The following ANKRD42 variants were observed in gnomAD, a reference collection of about 807,000 sequenced individuals.
The protein encoded by ANKRD42 is ankyrin repeat domain 42.
A neutral mutation model predicts 51.5 loss-of-function variants in ANKRD42; 43 were observed. The observed-to-expected ratio is 0.83, with a 90% confidence interval of 0.65 to 1.08. ANKRD42 has a LOEUF of 1.08. Ranked by LOEUF, ANKRD42 falls within the 50% of genes least tolerant of loss-of-function variation. The probability of loss-of-function intolerance (pLI) is 0.00; values close to 1 mark genes in which losing one functional copy is unlikely to be tolerated. For missense variants in ANKRD42, 608 were observed against 629.3 expected (o/e 0.97, Z 0.36); for synonymous variants, 203 against 213.0 (o/e 0.95, Z 0.41).
intron 7 of ANKRD42, among the ~76,000 whole-genome samples, chr11:83,231,553 T>C (rs1863072270): frequency 6.6e-6 from 1 of 152,214 alleles, no homozygotes; most frequent in Admixed American, 6.5e-5. Context: ...GCTTTTTAAC[T>C]TGATGTGATC....
chr11:83,229,792 A>G, intron 7 of ANKRD42, among the ~76,000 whole-genome samples: 1 of 151,938 alleles, frequency 6.6e-6, no homozygotes, highest in Non-Finnish European at 1.5e-5. Flanking sequence ...GTGGAGGGGG[A>G]TTATAAGTCG....
intron 7 of ANKRD42, 80 bp from the exon 8 acceptor site, chr11:83,236,324 T>A: frequency 8.8e-7 from 1 of 1,132,098 alleles, no homozygotes; most frequent in Non-Finnish European, 1.3e-6. Flanking sequence ...ATAATGGTAC[T>A]GTCCAAAATT....
In ANKRD42 at chr11:83,248,074, A is replaced by T. The variant is rs1374530097; in HGVS notation, c.1454A>T (p.Asn485Ile). The T allele has an allele frequency of 6.3e-7, 1 of 1,583,812 alleles. No individual in the cohort carries two copies. Among genetic ancestry groups the T allele is most frequent in the Admixed American group, 1.8e-5 (1 of 55,244 alleles). ...RETLEKIQVP[N>I]FVAMVGVLFN... ...ACACTGGAAAAAATTCAAGTCCCAAACTTTGTGGCTATGGTTGGTGTCCTT... is the reference window on the plus strand; with the variant it reads ...ACACTGGAAAAAATTCAAGTCCCAATCTTTGTGGCTATGGTTGGTGTCCTT... Residue 485 changes from asparagine to isoleucine, a missense_variant, in exon 11 of 11, where the codon AAC becomes ATC. Coordinates refer to ENST00000533342, the MANE Select transcript of ANKRD42 (RefSeq NM_001300975.2).
chr11:83,196,729 A>G (rs1457080599), intron 1 of ANKRD42, among the ~76,000 whole-genome samples: 1 of 152,208 alleles, frequency 6.6e-6, no homozygotes, highest in Admixed American at 6.5e-5. Context: ...TCCTTATGGT[A>G]GACACCAGAC....
chr11:83,214,507 T>TTAAC, intron 5 of ANKRD42: 2 of 979,674 alleles, frequency 2.0e-6, no homozygotes, highest in Non-Finnish European at 2.4e-6. Context: ...CCAGGTAGAG[T>TTAAC]ATTTATAATA....
At chr11:83,227,625 T>C in intron 6 of ANKRD42, 122 bp from the exon 7 acceptor site, 7 of 955,586 alleles carry the variant, frequency 7.3e-6, no homozygotes, top group Non-Finnish European at 1.1e-5. Flanking sequence ...TCAACTGAAC[T>C]CATCCGATTA....
At chr11:83,209,703 G>A (rs756870686) in intron 3 of ANKRD42, 2 of 714,016 alleles carry the variant, frequency 2.8e-6, no homozygotes, top group Non-Finnish European at 5.2e-6. Flanking sequence ...ACATCTTTCT[G>A]ACAACATTTT....
In ANKRD42 at chr11:83,206,224, T is replaced by G. The variant is rs146193345; in HGVS notation, c.330+59T>G. 477 of 1,330,954 alleles carry G rather than the reference T, an allele frequency of 3.6e-4. 3 individuals carry two copies. The African/African-American group carries it at 6.0e-3, about 17-fold the overall frequency. 82.4% of individuals were successfully genotyped at this position (1,330,954 alleles called of 1,614,324 possible). A position where few individuals can be genotyped will look rare whatever the true frequency, so the allele number is the denominator to read the frequency against. Reference sequence around the variant, plus strand: ...ACTTTAACATAGTTCTGTTGGGATATTGCTATTATTCTAATTATTTGACTC... The same window carrying G: ...ACTTTAACATAGTTCTGTTGGGATAGTGCTATTATTCTAATTATTTGACTC... On this transcript the variant is annotated intron_variant, in intron 3 of 10. Transcript: ENST00000533342.
chr11:83,238,622 G>A (rs997989142), intron 8 of ANKRD42, among the ~76,000 whole-genome samples: 2 of 152,142 alleles, frequency 1.3e-5, no homozygotes, highest in African/African-American at 4.8e-5. Context: ...CCTGAGGTCA[G>A]GAGTTTGAGA....
chr11:83,194,308 G>A lies in ANKRD42; in HGVS notation c.-363G>A. On this transcript the variant is annotated 5_prime_UTR_variant, in exon 1 of 11. Coordinates refer to ENST00000533342, the MANE Select transcript of ANKRD42 (RefSeq NM_001300975.2). Reference sequence around the variant, plus strand: ...TGACTTCGGGGATAGAGTCAGTGACGATCGCAGTCGCCGCTTCAGTGGCTC... The same window carrying A: ...TGACTTCGGGGATAGAGTCAGTGACAATCGCAGTCGCCGCTTCAGTGGCTC... The A allele has an allele frequency of 2.0e-6, 1 of 504,814 alleles. No individual in the cohort carries two copies. The highest frequency in any genetic ancestry group is 3.9e-6 in the Non-Finnish European group (1 of 259,252). The allele number at this position is 504,814 out of a possible 1,614,324, so 31.3% of individuals were successfully genotyped here.
At chr11:83,198,778 G>A (rs890914822) in intron 2 of ANKRD42, 136 bp downstream of exon 2, 47 of 739,870 alleles carry the variant, frequency 6.4e-5, no homozygotes, top group Non-Finnish European at 7.6e-5. Context: ...TTAATATTTG[G>A]GTATTCCACT....
rs1478551981 is a variant in ANKRD42 at position 83,227,873 on chromosome 11, G to T, written c.913+1G>T. ...AATGGATCAACTCCTATGCATAAAG[G>T]TGAGTTATGATTCCTCCTTTCAGTT... On this transcript the variant is annotated splice_donor_variant, in intron 7 of 10. Coordinates refer to ENST00000533342, the MANE Select transcript of ANKRD42 (RefSeq NM_001300975.2). LOFTEE classifies it high-confidence loss of function. 1 of 1,599,378 alleles carries T rather than the reference G, an allele frequency of 6.3e-7. No homozygotes were observed. Among genetic ancestry groups the T allele is most frequent in the Non-Finnish European group, 8.5e-7 (1 of 1,175,424 alleles).
chr11:83,213,745 A>C (rs967022222), intron 5 of ANKRD42: 17 of 187,196 alleles, frequency 9.1e-5, no homozygotes, highest in African/African-American at 2.9e-4. Flanking sequence ...TTCTTATTGA[A>C]TCATAGGAGT....
chr11:83,245,071 T>G (rs949684368), intron 9 of ANKRD42, among the ~76,000 whole-genome samples: 53 of 152,088 alleles, frequency 3.5e-4, no homozygotes, highest in African/African-American at 1.3e-3. Flanking sequence ...CACCGGCTAA[T>G]TTTTGTATTT....
At chr11:83,209,147 G>C (rs571348050) in intron 3 of ANKRD42, among the ~76,000 whole-genome samples, 1 of 152,150 alleles carries the variant, frequency 6.6e-6, no homozygotes, top group Non-Finnish European at 1.5e-5. Flanking sequence ...TTGAATTAGT[G>C]AAAGTTTAAT....
chr11:83,198,367 A>G, intron 1 of ANKRD42, 112 bp from the exon 2 acceptor site: 2 of 1,057,870 alleles, frequency 1.9e-6, no homozygotes, highest in Non-Finnish European at 2.7e-6. Flanking sequence ...CTTTGTAGTA[A>G]ATTATTTGGA....
At chr11:83,230,662 C>A in intron 7 of ANKRD42, among the ~76,000 whole-genome samples, 1 of 152,100 alleles carries the variant, frequency 6.6e-6, no homozygotes, top group Non-Finnish European at 1.5e-5. Flanking sequence ...TCTCTGCTCA[C>A]CGCAACCTAT....
intron 8 of ANKRD42, among the ~76,000 whole-genome samples, chr11:83,239,574 T>C (rs1360255419): frequency 6.6e-6 from 1 of 152,230 alleles, no homozygotes; most frequent in Non-Finnish European, 1.5e-5. Flanking sequence ...TTGTATATGA[T>C]ATGAAGTATG....
At chr11:83,255,778 A>G (rs540301592) in intron 11 of ANKRD42, 6 of 1,254,826 alleles carry the variant, frequency 4.8e-6, no homozygotes, top group African/African-American at 4.6e-5. Context: ...TGAACAGGCA[A>G]TGTAGAAAGA....
Sources: gnomAD v4.1 joint callset for allele counts (sites outside exome capture counted in the v4.1 genomes callset) on GRCh38, gnomAD v4.1.1 for gene constraint, MANE v1.5 for transcripts, NCBI Gene and HGNC (gene_info 2026-07-23, HGNC 2026-07-21) for gene names.